The following NFASC variants were observed in gnomAD, a reference collection of about 807,000 sequenced individuals.
The protein encoded by NFASC is neurofascin homolog.
In NFASC, 43 loss-of-function variants were observed where a neutral mutation model predicts 147.5. That is an observed-to-expected ratio of 0.29 (90% CI 0.23 to 0.38). NFASC has a LOEUF of 0.38. Ranked by LOEUF, NFASC falls within the 10% of genes least tolerant of loss-of-function variation. NFASC has a pLI of 1.00. For missense variants in NFASC, 1,320 were observed against 1,689.0 expected (o/e 0.78, Z 3.83); for synonymous variants, 622 against 665.5 (o/e 0.93, Z 1.01).
At chr1:204,847,268 T>A (rs974615310) in intron 1 of NFASC, among the ~76,000 whole-genome samples, 1 of 152,218 alleles carries the variant, frequency 6.6e-6, no homozygotes, top group Non-Finnish European at 1.5e-5. Context: ...AAGCTTACTA[T>A]GTGCTAGACA....
intron 1 of NFASC, among the ~76,000 whole-genome samples, chr1:204,898,926 A>C (rs1477864448): frequency 6.6e-6 from 1 of 152,150 alleles, no homozygotes; most frequent in Non-Finnish European, 1.5e-5. Flanking sequence ...AGCTATTCTA[A>C]AGCTATTTGA....
Position 204,975,255 on chromosome 1 carries a change from C to G in NFASC, c.1559-16C>G. The G allele has an allele frequency of 6.2e-7, 1 of 1,602,256 alleles. No individual in the cohort carries two copies. The highest frequency in any genetic ancestry group is 8.5e-7 in the Non-Finnish European group (1 of 1,172,438). ...AGAGAACAGGCCAGTGGCGAGTGCTCTGGGCTTCTCCACAGACCCCACCAG... is the reference window on the plus strand; with the variant it reads ...AGAGAACAGGCCAGTGGCGAGTGCTGTGGGCTTCTCCACAGACCCCACCAG... On this transcript the variant is annotated splice_polypyrimidine_tract_variant and intron_variant, in intron 14 of 29. Coordinates refer to ENST00000339876, the MANE Select transcript of NFASC (RefSeq NM_001005388.3). The surrounding 1 kb of genome is among the most constrained non-coding windows in gnomAD (Gnocchi z 4.0).
intron 21 of NFASC, among the ~76,000 whole-genome samples, chr1:204,983,685 G>A (rs1016733643): frequency 6.6e-6 from 1 of 152,194 alleles, no homozygotes; most frequent in Non-Finnish European, 1.5e-5. Context: ...AGGGAACCCC[G>A]CTGATAAGGT....
intron 1 of NFASC, among the ~76,000 whole-genome samples, chr1:204,846,952 C>CGTGTGTGTGTCTGTGTGTGTGTGTGT (rs1034512647): frequency 8.0e-6 from 1 of 124,650 alleles, no homozygotes; most frequent in Non-Finnish European, 1.7e-5. Context: ...TGTGTGTACG[C>CGTGTGTGTGTCTGTGTGTGTGTGTGT]GTGTGTGTGT....
rs2090237977 is a variant in NFASC, at chr1:204,920,521, CA to C, written c.-199-106del. The C allele has an allele frequency of 7.5e-6, 3 of 397,566 alleles. No homozygotes were observed. The Admixed American group carries it at 1.1e-4, about 15-fold the overall frequency. The allele number at this position is 397,566 out of a possible 1,614,324, so 24.6% of individuals were successfully genotyped here. On this transcript the variant is annotated intron_variant, in intron 1 of 29. Transcript: ENST00000339876. ...GCAAAACTTTACCAATGGATGTGGA[CA>C]AAAATGTAATTTCCCCAGTGAATGA... is the stretch of plus-strand genomic sequence containing the variant.
At chr1:204,927,153 C>T (rs2091773580) in intron 2 of NFASC, among the ~76,000 whole-genome samples, 1 of 152,092 alleles carries the variant, frequency 6.6e-6, no homozygotes, top group Admixed American at 6.6e-5. Flanking sequence ...ACTTGAGCAG[C>T]CATCATCACA....
Position 204,953,286 on chromosome 1 carries a change from T to G in NFASC, c.216-902T>G, listed in dbSNP as rs114532085. On this transcript the variant is annotated intron_variant, in intron 5 of 29. Transcript: ENST00000339876. ...ATTTCTTTAAAAGCTGCCACTGTTTTTTTGTTTGTTTGTTTGTTTTTTCTA... is the reference window on the plus strand; with the variant it reads ...ATTTCTTTAAAAGCTGCCACTGTTTGTTTGTTTGTTTGTTTGTTTTTTCTA... Among the ~76,000 whole-genome samples, 1,519 of 152,192 alleles carry G rather than the reference T, an allele frequency of 1.0e-2. 30 individuals carry two copies. The highest frequency in any genetic ancestry group is 0.035 in the African/African-American group (1,466 of 41,500).
At chr1:204,887,835 C>T (rs1345180802) in intron 1 of NFASC, among the ~76,000 whole-genome samples, 1 of 151,992 alleles carries the variant, frequency 6.6e-6, no homozygotes, top group Non-Finnish European at 1.5e-5. Context: ...TGGGCCCAAG[C>T]AATCAGCCCG....
intron 1 of NFASC, among the ~76,000 whole-genome samples, chr1:204,864,406 T>C (rs1261895600): frequency 6.6e-6 from 1 of 152,248 alleles, no homozygotes; most frequent in Non-Finnish European, 1.5e-5. Context: ...GGTCGTATAT[T>C]AACTCTTATG....
chr1:204,882,530 T>G (rs1293206479), intron 1 of NFASC, among the ~76,000 whole-genome samples: 1 of 152,182 alleles, frequency 6.6e-6, no homozygotes, highest in Non-Finnish European at 1.5e-5. Flanking sequence ...TTCCCCACTG[T>G]GTATTTCTTC....
rs1374034500 is a variant in NFASC at position 205,012,680 on chromosome 1, A to C, written c.3422-117A>C. 5.1e-6 allele frequency: 4 copies of C among 792,042 alleles called. No homozygotes were observed. The East Asian group carries it at 9.8e-5, about 19-fold the overall frequency. 49.1% of individuals were successfully genotyped at this position (792,042 alleles called of 1,614,324 possible). ...AGGCGTGGATGGTGCCTTGTTAAAAAAGAGTGTCAGTGAGCCCAGGGCGGT... is the reference window on the plus strand; with the variant it reads ...AGGCGTGGATGGTGCCTTGTTAAAACAGAGTGTCAGTGAGCCCAGGGCGGT... On this transcript the variant is annotated intron_variant, in intron 28 of 29. Coordinates refer to ENST00000339876, the MANE Select transcript of NFASC (RefSeq NM_001005388.3).
At chr1:204,908,487 A>G (rs1307089834) in intron 1 of NFASC, among the ~76,000 whole-genome samples, 3 of 152,222 alleles carry the variant, frequency 2.0e-5, no homozygotes, top group African/African-American at 2.4e-5. Flanking sequence ...AAAAGAATCA[A>G]CTGAAAAACT....
chr1:204,830,161 G>T (rs963065361), intron 1 of NFASC, among the ~76,000 whole-genome samples: 3 of 152,164 alleles, frequency 2.0e-5, no homozygotes, highest in Non-Finnish European at 4.4e-5. Context: ...TTGGAAATGT[G>T]CTGGGCCCTG....
intron 8 of NFASC, chr1:204,962,218 C>T: frequency 7.2e-7 from 1 of 1,398,486 alleles, no homozygotes; most frequent in Non-Finnish European, 1.0e-6. Context: ...GTTTGCCTAA[C>T]TTGACTGATA....
chr1:204,877,070 A>T (rs1044066732), intron 1 of NFASC, among the ~76,000 whole-genome samples: 5 of 112,060 alleles, frequency 4.5e-5, no homozygotes, highest in African/African-American at 2.2e-4. Flanking sequence ...TTATATATTT[A>T]TATATATATA....
In NFASC at chr1:204,828,836, C is replaced by G. The variant is rs964401712; in HGVS notation, c.-200+54C>G. 3 of 981,348 alleles carry G rather than the reference C, an allele frequency of 3.1e-6. No individual in the cohort carries two copies. The African/African-American group carries it at 5.3e-5, about 17-fold the overall frequency. The allele number at this position is 981,348 out of a possible 1,614,324, so 60.8% of individuals were successfully genotyped here. ...GGGGTAGAGAGTCATGGAAACCCAC[C>G]TAGCGACACCCCCTTGTTCCCGCCC... On this transcript the variant is annotated intron_variant, in intron 1 of 29. Coordinates refer to ENST00000339876, the MANE Select transcript of NFASC (RefSeq NM_001005388.3).
intron 2 of NFASC, among the ~76,000 whole-genome samples, chr1:204,933,521 C>T (rs573990269): frequency 2.0e-5 from 3 of 152,264 alleles, no homozygotes; most frequent in South Asian, 2.1e-4. Flanking sequence ...GCCATGGGAT[C>T]AGTGTCACCA....
At chr1:204,903,940 C>A (rs531287549) in intron 1 of NFASC, among the ~76,000 whole-genome samples, 1 of 152,194 alleles carries the variant, frequency 6.6e-6, no homozygotes, top group Non-Finnish European at 1.5e-5. Flanking sequence ...TGCTATATTG[C>A]CATGAACTAG....
At chr1:204,972,834 C>A (rs1217255102) in intron 11 of NFASC, among the ~76,000 whole-genome samples, 4 of 152,194 alleles carry the variant, frequency 2.6e-5, no homozygotes, top group Non-Finnish European at 2.9e-5. Context: ...TTCTGTTCAT[C>A]ATTTTGTACA....
Sources: gnomAD v4.1 joint callset for allele counts (sites outside exome capture counted in the v4.1 genomes callset) on GRCh38, gnomAD v4.1.1 for gene constraint, Gnocchi (gnomAD v3.1) non-coding constraint, MANE v1.5 for transcripts, NCBI Gene and HGNC (gene_info 2026-07-23, HGNC 2026-07-21) for gene names.